ITFG1: variants seen among roughly 807,000 people sequenced by gnomAD.
The protein encoded by ITFG1 is T-cell immunomodulatory protein.
A neutral mutation model predicts 81.8 loss-of-function variants in ITFG1; 34 were observed. That is an observed-to-expected ratio of 0.42 (90% CI 0.32 to 0.55). The LOEUF (loss-of-function observed/expected upper bound fraction) is 0.55, where lower values mean the gene tolerates loss of function less well. Among genes scored for constraint, ITFG1 ranks in the 20% least tolerant of loss-of-function variants. The pLI, the probability that ITFG1 is intolerant of heterozygous loss-of-function variation, is 0.17. For missense variants in ITFG1, 672 were observed against 755.4 expected (o/e 0.89, Z 1.29); for synonymous variants, 285 against 270.6 (o/e 1.05, Z -0.52).
At chr16:47,322,757 T>C (rs1243215016) in intron 8 of ITFG1, among the ~76,000 whole-genome samples, 1 of 152,208 alleles carries the variant, frequency 6.6e-6, no homozygotes, top group Non-Finnish European at 1.5e-5. Flanking sequence ...CACATGCATT[T>C]ACTTACATAT....
At chr16:47,194,979 C>T (rs569949671) in intron 14 of ITFG1, among the ~76,000 whole-genome samples, 1 of 152,296 alleles carries the variant, frequency 6.6e-6, no homozygotes, top group East Asian at 1.9e-4. Flanking sequence ...CCCACACCTC[C>T]ACAGCTAACA....
chr16:47,384,709 C>T (rs376743798), intron 6 of ITFG1, among the ~76,000 whole-genome samples: 1 of 152,172 alleles, frequency 6.6e-6, no homozygotes, highest in East Asian at 1.9e-4. Context: ...TTTTCCACGT[C>T]ATATCCACCA....
chr16:47,168,768 G>T (rs1337901547), intron 14 of ITFG1, among the ~76,000 whole-genome samples: 1 of 151,984 alleles, frequency 6.6e-6, no homozygotes, highest in African/African-American at 2.4e-5. Context: ...AGTGCTTTTG[G>T]TGTCAAATCT....
chr16:47,297,601 C>G (rs1967002298), intron 10 of ITFG1, among the ~76,000 whole-genome samples: 2 of 149,942 alleles, frequency 1.3e-5, no homozygotes, highest in African/African-American at 4.9e-5. Context: ...CTTACTCTAC[C>G]AGGATATAAA....
At chr16:47,277,057 C>T (rs1966405104) in intron 10 of ITFG1, among the ~76,000 whole-genome samples, 1 of 152,070 alleles carries the variant, frequency 6.6e-6, no homozygotes, top group African/African-American at 2.4e-5. Flanking sequence ...CTATAATTAT[C>T]CCTATTCTCT....
At chr16:47,459,067 C>T (rs555132149) in intron 2 of ITFG1, 36 bp downstream of exon 2, 1 of 1,258,368 alleles carries the variant, frequency 7.9e-7, no homozygotes, top group Admixed American at 1.7e-5. Context: ...ATATTAATGA[C>T]TAAAGTTTTA....
intron 10 of ITFG1, among the ~76,000 whole-genome samples, chr16:47,272,543 G>A (rs1458348167): frequency 2.6e-5 from 4 of 151,946 alleles, no homozygotes; most frequent in Non-Finnish European, 4.4e-5. Flanking sequence ...TTACAGGCAC[G>A]CGCCACCACG....
chr16:47,290,284 T>G (rs917777310), intron 10 of ITFG1, among the ~76,000 whole-genome samples: 2 of 152,192 alleles, frequency 1.3e-5, no homozygotes, highest in African/African-American at 4.8e-5. Context: ...ATGTGCCTTC[T>G]CTAGCTGTTG....
At chr16:47,372,083 T>C (rs962692108) in intron 7 of ITFG1, among the ~76,000 whole-genome samples, 1 of 151,898 alleles carries the variant, frequency 6.6e-6, no homozygotes, top group Non-Finnish European at 1.5e-5. Flanking sequence ...CAGCTAATTT[T>C]CTGTATTTTT....
chr16:47,242,844 T>C (rs1188295150), intron 12 of ITFG1, among the ~76,000 whole-genome samples: 1 of 152,178 alleles, frequency 6.6e-6, no homozygotes, highest in Non-Finnish European at 1.5e-5. Flanking sequence ...TTACTTCAGG[T>C]GAACTGGGTT....
intron 14 of ITFG1, chr16:47,196,333 CTCTT>C (rs2151519079): frequency 6.6e-6 from 1 of 151,780 alleles, no homozygotes; most frequent in African/African-American, 2.4e-5. Context: ...GCTCTGTTCT[CTCTT>C]CTCCTTCTGA....
chr16:47,452,438 A>AT (rs1567505292), intron 4 of ITFG1, among the ~76,000 whole-genome samples: 1 of 152,240 alleles, frequency 6.6e-6, no homozygotes, highest in African/African-American at 2.4e-5. Flanking sequence ...AATATCAAAT[A>AT]TAACAGTTTT....
chr16:47,198,474 C>T (rs746701254), intron 14 of ITFG1, among the ~76,000 whole-genome samples: 2 of 152,142 alleles, frequency 1.3e-5, no homozygotes, highest in Non-Finnish European at 2.9e-5. Context: ...CAATTATGTA[C>T]AGTACATAAT....
intron 14 of ITFG1, among the ~76,000 whole-genome samples, chr16:47,194,024 C>T (rs913944244): frequency 6.6e-6 from 1 of 152,058 alleles, no homozygotes; most frequent in Non-Finnish European, 1.5e-5. Context: ...TCTACTATAG[C>T]GTTAAAAAAC....
chr16:47,400,286 G>A (rs1188558241), intron 6 of ITFG1, among the ~76,000 whole-genome samples: 2 of 152,192 alleles, frequency 1.3e-5, no homozygotes, highest in African/African-American at 4.8e-5. Context: ...TGCTTTGGGA[G>A]GCCAAGGTGG....
intron 5 of ITFG1, among the ~76,000 whole-genome samples, chr16:47,447,818 T>C (rs937694772): frequency 3.3e-5 from 5 of 152,168 alleles, no homozygotes; most frequent in Non-Finnish European, 7.4e-5. Context: ...TGAGAAACAC[T>C]GGGAAAAGAA....
chr16:47,233,264 C>T lies in ITFG1; in HGVS notation c.1374+4701G>A, dbSNP rs537559284. Among the ~76,000 whole-genome samples the T allele has an allele frequency of 7.9e-5, 12 of 152,268 alleles. No individual in the cohort carries two copies. In the South Asian group the frequency reaches 1.2e-3, roughly 16 times the overall value. On this transcript the variant is annotated intron_variant, in intron 13 of 17. Coordinates refer to ENST00000320640, the MANE Select transcript of ITFG1 (RefSeq NM_030790.5). ...ACAGGACAAACTGCTACTTTGCAAA[C>T]TGGAGAGACAGACAGGTGGAAACAG...
chr16:47,316,666 T>C (rs762855746), intron 8 of ITFG1, among the ~76,000 whole-genome samples: 1 of 152,218 alleles, frequency 6.6e-6, no homozygotes, highest in Non-Finnish European at 1.5e-5. Context: ...CTCCTTTCAT[T>C]TGGAATGTTT....
chr16:47,413,723 A>G (rs1358354319), intron 6 of ITFG1, among the ~76,000 whole-genome samples: 1 of 152,186 alleles, frequency 6.6e-6, no homozygotes, highest in African/African-American at 2.4e-5. Flanking sequence ...CATAGCCCAC[A>G]GATACAATAA....
Sources: allele counts gnomAD v4.1 joint callset (sites outside exome capture counted in the v4.1 genomes callset), GRCh38; gene constraint gnomAD v4.1.1; transcripts MANE v1.5; gene names NCBI Gene and HGNC (gene_info 2026-07-23, HGNC 2026-07-21).